LRRC7: variants seen among roughly 807,000 people sequenced by gnomAD.
LRRC7 encodes the protein leucine rich repeat containing 7, also known as leucine-rich repeat-containing protein 7.
A neutral mutation model predicts 175.7 loss-of-function variants in LRRC7; 23 were observed. The observed-to-expected ratio is 0.13, with a 90% CI of 0.09 to 0.19. LRRC7 has a LOEUF of 0.19. Ranked by LOEUF, LRRC7 falls within the 10% of genes least tolerant of loss-of-function variation. The pLI, the probability that LRRC7 is intolerant of heterozygous loss-of-function variation, is 1.00. For missense variants in LRRC7, 1,354 were observed against 1,904.7 expected, an observed-to-expected ratio of 0.71 and a Z score of 5.38; for synonymous variants, 685 against 680.9, an observed-to-expected ratio of 1.01 and a Z score of -0.09.
chr1:70,083,005 G>A (rs182973466), intron 24 of LRRC7, among the ~76,000 whole-genome samples: 3 of 151,518 alleles, frequency 2.0e-5, no homozygotes, highest in East Asian at 1.9e-4. Flanking sequence ...GGCTGGTCTC[G>A]AACTCCTGGG....
chr1:69,594,373 T>G (rs1255483472), intron 1 of LRRC7, among the ~76,000 whole-genome samples: 2 of 152,178 alleles, frequency 1.3e-5, no homozygotes, highest in Non-Finnish European at 2.9e-5. Context: ...ATAGTAACTT[T>G]TAGTGTTTAC....
chr1:69,725,075 A>G (rs1666794085), intron 2 of LRRC7, among the ~76,000 whole-genome samples: 1 of 152,056 alleles, frequency 6.6e-6, no homozygotes, highest in Non-Finnish European at 1.5e-5. Flanking sequence ...ATATATATAC[A>G]TGTTTTATAT....
intron 1 of LRRC7, among the ~76,000 whole-genome samples, chr1:69,600,531 C>T (rs1336742059): frequency 6.6e-6 from 1 of 152,056 alleles, no homozygotes; most frequent in African/African-American, 2.4e-5. Context: ...AGATAAAGTA[C>T]CATCTATATC....
At chr1:69,694,092 A>G in intron 2 of LRRC7, among the ~76,000 whole-genome samples, 1 of 152,050 alleles carries the variant, frequency 6.6e-6, no homozygotes, top group East Asian at 1.9e-4. Context: ...AGTCACCATC[A>G]AACCCAAGCC....
chr1:70,085,651 T>C (rs948605585), intron 24 of LRRC7, among the ~76,000 whole-genome samples: 1 of 152,156 alleles, frequency 6.6e-6, no homozygotes, highest in Non-Finnish European at 1.5e-5. Context: ...TTTTTTTACC[T>C]ACTCCATCAA....
rs1245831034 is a variant in LRRC7 at position 69,825,730 on chromosome 1, G to GT, written c.422-11dup. ...TTGTTGGAACATTTTCATGTACTTT[G>GT]TTTTTTTCACATTTTAGGTGTACAA... is the stretch of plus-strand genomic sequence containing the variant. On this transcript the variant is annotated splice_polypyrimidine_tract_variant and intron_variant, in intron 4 of 26. Coordinates refer to ENST00000651989, the MANE Select transcript of LRRC7 (RefSeq NM_001370785.2). 17 of 1,512,802 alleles carry GT rather than the reference G, an allele frequency of 1.1e-5. No individual in the cohort carries two copies. Among genetic ancestry groups the GT allele is most frequent in the Admixed American group, 3.6e-5 (2 of 55,302 alleles). 93.7% of individuals were successfully genotyped at this position (1,512,802 alleles called of 1,614,324 possible).
At position 70,141,830 on chromosome 1, in the gene LRRC7, CATAA is replaced by C. The variant is rs1432597636; in HGVS notation, c.*19947_*19950del. 1 of 152,068 alleles carries C rather than the reference CATAA, an allele frequency of 6.6e-6. No individual in the cohort carries two copies. The allele number at this position is 152,068 out of a possible 1,614,324, so 9.4% of individuals were successfully genotyped here. On this transcript the variant is annotated 3_prime_UTR_variant, in exon 27 of 27. Coordinates refer to ENST00000651989, the MANE Select transcript of LRRC7 (RefSeq NM_001370785.2). Reference sequence around the variant, plus strand: ...GGTTTTGTGTCTATGTATAGGCACACATAAATAGGAGGTGTTTTTCTTTGCACAT... The same window carrying C: ...GGTTTTGTGTCTATGTATAGGCACACATAGGAGGTGTTTTTCTTTGCACAT...
chr1:69,625,111 C>T lies in LRRC7; in HGVS notation c.3-53270C>T, dbSNP rs74530323. 3.6e-3 allele frequency among the ~76,000 whole-genome samples: 548 copies of T among 151,764 alleles called. 15 individuals carry two copies. The East Asian group carries it at 0.078, about 22-fold the overall frequency. On this transcript the variant is annotated intron_variant, in intron 1 of 26. Coordinates refer to ENST00000651989, the MANE Select transcript of LRRC7 (RefSeq NM_001370785.2). ...GATTAGCAAAATTCATTTCTAAAGC[C>T]GTCTGAGCAAGGAGTTTTCTTTGTG...
chr1:69,847,170 T>C (rs1284888386), intron 7 of LRRC7, among the ~76,000 whole-genome samples: 3 of 152,122 alleles, frequency 2.0e-5, no homozygotes, highest in African/African-American at 7.2e-5. Context: ...AGGAAAGGCA[T>C]ACATCCATTG....
intron 3 of LRRC7, among the ~76,000 whole-genome samples, chr1:69,763,955 G>C (rs1435609704): frequency 1.3e-5 from 2 of 151,804 alleles, no homozygotes; most frequent in Non-Finnish European, 2.9e-5. Context: ...ATTATAATTG[G>C]TCATGAATCT....
rs552339451 is a variant in LRRC7 at position 69,663,700 on chromosome 1, A to ATTTTTTTTTTTT, written c.3-14660_3-14649dup. 1.9e-4 allele frequency among the ~76,000 whole-genome samples: 13 copies of ATTTTTTTTTTTT among 67,740 alleles called. 1 individual carries two copies. The highest frequency in any genetic ancestry group is 2.2e-4 in the Admixed American group (1 of 4,524). 44.4% of individuals were successfully genotyped at this position (67,740 alleles called of 152,430 possible). The stretch of plus-strand genomic sequence containing the variant: ...TGTCTCCATTAGTTCAATCGTTTTA[A>ATTTTTTTTTTTT]TTTTTTTTTTTTTTTTTTTTTTTTT... On this transcript the variant is annotated intron_variant, in intron 1 of 26. Transcript: ENST00000651989.
At chr1:70,118,905 T>C (rs1218428242) in intron 26 of LRRC7, among the ~76,000 whole-genome samples, 1 of 152,160 alleles carries the variant, frequency 6.6e-6, no homozygotes, top group East Asian at 1.9e-4. Flanking sequence ...TTCTACATAT[T>C]GGGCTCTCTT....
At chr1:70,026,990 A>G (rs1315034144) in intron 17 of LRRC7, among the ~76,000 whole-genome samples, 2 of 152,060 alleles carry the variant, frequency 1.3e-5, no homozygotes, top group Non-Finnish European at 2.9e-5. Context: ...CTTACATCCC[A>G]TGAATTACAT....
intron 4 of LRRC7, among the ~76,000 whole-genome samples, chr1:69,796,192 C>G (rs190023331): frequency 2.9e-5 from 4 of 136,000 alleles, no homozygotes; most frequent in African/African-American, 1.1e-4. Context: ...TTGTTCAATT[C>G]CCACCTATGA....
intron 7 of LRRC7, among the ~76,000 whole-genome samples, chr1:69,922,363 A>G (rs1033474275): frequency 2.8e-5 from 4 of 143,506 alleles, no homozygotes; most frequent in South Asian, 4.4e-4. Flanking sequence ...AAAGCCTTCT[A>G]TTTTCTATTC....
chr1:69,809,343 G>A (rs1677532170), intron 4 of LRRC7, among the ~76,000 whole-genome samples: 1 of 152,116 alleles, frequency 6.6e-6, no homozygotes, highest in Admixed American at 6.6e-5. Context: ...TCTACCAGAG[G>A]TAAAAAGAGT....
chr1:69,575,249 C>T (rs1221754792), intron 1 of LRRC7, among the ~76,000 whole-genome samples: 2 of 152,110 alleles, frequency 1.3e-5, no homozygotes, highest in Non-Finnish European at 2.9e-5. Flanking sequence ...GCCAGTAAAA[C>T]CACACCCTTG....
intron 4 of LRRC7, among the ~76,000 whole-genome samples, chr1:69,797,437 CT>C (rs1675922409): frequency 6.6e-6 from 1 of 152,154 alleles, no homozygotes; most frequent in South Asian, 2.1e-4. Context: ...ATTCATCATT[CT>C]CTCCAACCTG....
chr1:69,850,070 G>A (rs925575843), intron 7 of LRRC7, among the ~76,000 whole-genome samples: 1 of 151,976 alleles, frequency 6.6e-6, no homozygotes, highest in African/African-American at 2.4e-5. Context: ...TTGGGGTGGG[G>A]GTTGGTTTTT....
Sources: allele counts gnomAD v4.1 joint callset (sites outside exome capture counted in the v4.1 genomes callset), GRCh38; gene constraint gnomAD v4.1.1; transcripts MANE v1.5; gene names NCBI Gene and HGNC (gene_info 2026-07-23, HGNC 2026-07-21).